The following EPAS1 variants were observed in gnomAD, a reference collection of about 807,000 sequenced individuals.
EPAS1 encodes endothelial PAS domain protein 1, also known as endothelial PAS domain-containing protein 1.
EPAS1 carries 23 observed loss-of-function variants against 87.9 expected under a neutral mutation model. The ratio of observed to expected loss-of-function variants is 0.26; its 90% CI spans 0.19 to 0.37. The LOEUF (loss-of-function observed/expected upper bound fraction) is 0.37, where lower values mean the gene tolerates loss of function less well. Ranked by LOEUF, EPAS1 falls within the 10% of genes least tolerant of loss-of-function variation. EPAS1 has a pLI of 1.00. For missense variants in EPAS1, 1,138 were observed against 1,120.7 expected (o/e 1.02, Z -0.22); for synonymous variants, 508 against 444.3 (o/e 1.14, Z -1.80).
chr2:46,356,984 A>G (rs1362587362), intron 4 of EPAS1, among the ~76,000 whole-genome samples, 176 bp downstream of exon 4: 4 of 152,178 alleles, frequency 2.6e-5, no homozygotes, highest in Non-Finnish European at 5.9e-5. Context: ...GAGAGGATCC[A>G]GTACTCAGAA....
chr2:46,363,167 G>A (rs145808581), intron 6 of EPAS1, among the ~76,000 whole-genome samples: 29 of 152,336 alleles, frequency 1.9e-4, no homozygotes, highest in African/African-American at 6.7e-4. Context: ...TACCTCAGTA[G>A]TCTTGTGAGA....
intron 6 of EPAS1, among the ~76,000 whole-genome samples, chr2:46,363,569 C>A (rs1356183502): frequency 1.4e-4 from 21 of 152,076 alleles, no homozygotes; most frequent in Admixed American, 1.3e-3. Context: ...GGGAGAAACA[C>A]AAGGAATTGG....
At chr2:46,356,933 A>G (rs1247728559) in intron 4 of EPAS1, 125 bp downstream of exon 4, 1 of 729,140 alleles carries the variant, frequency 1.4e-6, no homozygotes, top group Non-Finnish European at 2.5e-6. Context: ...ATGTCCTTAA[A>G]AAATTTAAGT....
intron 1 of EPAS1, among the ~76,000 whole-genome samples, chr2:46,298,454 C>T (rs1054803384): frequency 1.3e-5 from 2 of 152,202 alleles, no homozygotes; most frequent in Non-Finnish European, 2.9e-5. Flanking sequence ...GGGACACGAT[C>T]CTACCGAGGA....
intron 1 of EPAS1, among the ~76,000 whole-genome samples, chr2:46,340,993 T>G (rs1039008483): frequency 2.0e-5 from 3 of 152,236 alleles, no homozygotes; most frequent in African/African-American, 4.8e-5. Context: ...GTGCTGTGAT[T>G]ATAGGCATGA....
chr2:46,375,821 G>A lies in EPAS1; in HGVS notation c.1018G>A (p.Val340Ile), dbSNP rs768567658. ...RNLQPQCIMC[V>I]NYVLSEIEKN... ...CCTGCAGCCCCAGTGCATCATGTGT[G>A]TCAACTACGTCCTGAGGTAAGCATG... Residue 340 changes from valine to isoleucine, a missense_variant, in exon 8 of 16, where the codon GTC (valine) becomes ATC (isoleucine). Physicochemically the swap from Val to Ile is conservative, Grantham distance 29. Transcript: ENST00000263734. The surrounding 1 kb of genome is among the most constrained non-coding windows in gnomAD (Gnocchi z 4.1). 6 of 1,614,114 alleles carry A rather than the reference G, an allele frequency of 3.7e-6. No individual in the cohort carries two copies. The highest frequency in any genetic ancestry group is 2.7e-5 in the African/African-American group (2 of 74,930).
At chr2:46,379,480 C>T (rs980948136) in intron 11 of EPAS1, among the ~76,000 whole-genome samples, 13 of 152,182 alleles carry the variant, frequency 8.5e-5, no homozygotes, top group African/African-American at 2.9e-4. Flanking sequence ...CCCTCCTCAG[C>T]ACTCCTGTAG....
chr2:46,370,549 G>A (rs917360664), intron 7 of EPAS1, among the ~76,000 whole-genome samples: 14 of 152,168 alleles, frequency 9.2e-5, no homozygotes, highest in African/African-American at 2.7e-4. Context: ...CAGGGATGGC[G>A]TATGGAAACT....
At chr2:46,345,865 C>T (rs1684014295) in intron 1 of EPAS1, among the ~76,000 whole-genome samples, 1 of 152,090 alleles carries the variant, frequency 6.6e-6, no homozygotes, top group African/African-American at 2.4e-5. Context: ...ACATTGATTG[C>T]TTACAGTTGG....
At chr2:46,315,953 C>T (rs900399798) in intron 1 of EPAS1, among the ~76,000 whole-genome samples, 7 of 152,186 alleles carry the variant, frequency 4.6e-5, no homozygotes, top group South Asian at 2.1e-4. Context: ...AAAAAATATA[C>T]ATGTTCCCCA....
chr2:46,381,488 G>C, intron 12 of EPAS1, 108 bp from the exon 13 acceptor site: 1 of 1,578,668 alleles, frequency 6.3e-7, no homozygotes, highest in Non-Finnish European at 8.7e-7. Flanking sequence ...GGGTCTTTGA[G>C]TCATCACAGG....
chr2:46,329,279 A>T (rs183411058), intron 1 of EPAS1, among the ~76,000 whole-genome samples: 1 of 152,276 alleles, frequency 6.6e-6, no homozygotes, highest in Non-Finnish European at 1.5e-5. Flanking sequence ...AGGAGGCACC[A>T]TTGCTAGAAT....
intron 1 of EPAS1, among the ~76,000 whole-genome samples, chr2:46,308,238 G>A (rs897037204): frequency 1.3e-5 from 2 of 152,002 alleles, no homozygotes; most frequent in African/African-American, 2.4e-5. Flanking sequence ...CAGGCTTCCC[G>A]AAATCTTACA....
chr2:46,317,682 G>A (rs1683369501), intron 1 of EPAS1, among the ~76,000 whole-genome samples: 2 of 152,156 alleles, frequency 1.3e-5, no homozygotes, highest in Non-Finnish European at 2.9e-5. Flanking sequence ...CTCCCCTCTT[G>A]CAGTGAAAGT....
intron 1 of EPAS1, among the ~76,000 whole-genome samples, chr2:46,305,143 A>G (rs775050852): frequency 6.6e-6 from 1 of 152,178 alleles, no homozygotes; most frequent in Non-Finnish European, 1.5e-5. Flanking sequence ...TTTCAAGTAG[A>G]TGTTGGGTGT....
At chr2:46,351,918 A>G (rs1684152366) in intron 2 of EPAS1, among the ~76,000 whole-genome samples, 1 of 152,148 alleles carries the variant, frequency 6.6e-6, no homozygotes, top group African/African-American at 2.4e-5. Flanking sequence ...CCCACCCCAC[A>G]TGGGCGGTGC....
chr2:46,386,245 T>C lies in EPAS1; in HGVS notation c.*1585T>C, dbSNP rs72887453. On this transcript the variant is annotated 3_prime_UTR_variant, in exon 16 of 16. Coordinates refer to ENST00000263734, the MANE Select transcript of EPAS1 (RefSeq NM_001430.5). ...TGGAACTTTTCTGTAATGGGTACAATGAAGAAGTTTCTAAAAACACACACA... is the reference window on the plus strand; with the variant it reads ...TGGAACTTTTCTGTAATGGGTACAACGAAGAAGTTTCTAAAAACACACACA... The C allele has an allele frequency of 5.6e-4, 85 of 152,728 alleles. No homozygotes were observed. The highest frequency in any genetic ancestry group is 1.7e-3 in the African/African-American group (71 of 41,570). 9.5% of individuals were successfully genotyped at this position (152,728 alleles called of 1,614,324 possible).
In EPAS1 at chr2:46,300,762, C is replaced by G. The variant is rs1034106782; in HGVS notation, c.26+2825C>G. Among the ~76,000 whole-genome samples the G allele has an allele frequency of 1.3e-5, 2 of 152,302 alleles. No individual in the cohort carries two copies. Among genetic ancestry groups the G allele is most frequent in the East Asian group, 3.9e-4 (2 of 5,180 alleles). Reference sequence around the variant, plus strand: ...ATCAAAGTCCAGTCCCAAAGCCAGACCTAGGTCCAGACACCTTCCCAGAGT... The same window carrying G: ...ATCAAAGTCCAGTCCCAAAGCCAGAGCTAGGTCCAGACACCTTCCCAGAGT... On this transcript the variant is annotated intron_variant, in intron 1 of 15. Coordinates refer to ENST00000263734, the MANE Select transcript of EPAS1 (RefSeq NM_001430.5). The surrounding 1 kb of genome is among the most constrained non-coding windows in gnomAD (Gnocchi z 4.1).
intron 4 of EPAS1, 103 bp downstream of exon 4, chr2:46,356,911 C>A (rs1331519253): frequency 3.5e-6 from 3 of 848,062 alleles, no homozygotes; most frequent in East Asian, 2.6e-5. Flanking sequence ...CCTTGTGATG[C>A]AGGAAAAATG....
Sources: gnomAD v4.1 joint callset for allele counts (sites outside exome capture counted in the v4.1 genomes callset) on GRCh38, gnomAD v4.1.1 for gene constraint, Gnocchi (gnomAD v3.1) non-coding constraint, MANE v1.5 for transcripts, NCBI Gene and HGNC (gene_info 2026-07-23, HGNC 2026-07-21) for gene names.